NALF1: variants seen among roughly 807,000 people sequenced by gnomAD.
NALF1 encodes NALCN channel auxiliary factor 1.
In NALF1, 3 loss-of-function variants were observed where a neutral mutation model predicts 48.4. That is an observed-to-expected ratio of 0.06 (90% CI 0.03 to 0.16). The LOEUF (loss-of-function observed/expected upper bound fraction) is 0.16, where lower values mean the gene tolerates loss of function less well. Among genes scored for constraint, NALF1 ranks in the 10% least tolerant of loss-of-function variants. The probability of loss-of-function intolerance (pLI) is 1.00; values close to 1 mark genes in which losing one functional copy is unlikely to be tolerated. For synonymous variants in NALF1, 262 were observed against 245.7 expected (o/e 1.07, Z -0.62); for missense variants, 526 against 571.5 (o/e 0.92, Z 0.81).
chr13:107,287,055 G>A (rs899932494), intron 1 of NALF1, among the ~76,000 whole-genome samples: 1 of 152,164 alleles, frequency 6.6e-6, no homozygotes, highest in Admixed American at 6.5e-5. Context: ...GGGTAGGTGA[G>A]TTTCACCGAA....
intron 1 of NALF1, among the ~76,000 whole-genome samples, chr13:107,244,639 A>G (rs1013214266): frequency 6.6e-6 from 1 of 152,100 alleles, no homozygotes; most frequent in South Asian, 2.1e-4. Context: ...GAGTAGTCCT[A>G]TTTTTGTAGC....
At chr13:107,193,638 C>T (rs1879327023) in intron 2 of NALF1, among the ~76,000 whole-genome samples, 1 of 152,076 alleles carries the variant, frequency 6.6e-6, no homozygotes, top group South Asian at 2.1e-4. Flanking sequence ...CAGGAGGGGC[C>T]CCTGACTAAC....
intron 1 of NALF1, among the ~76,000 whole-genome samples, chr13:107,606,641 C>G (rs1879079919): frequency 6.6e-6 from 1 of 152,088 alleles, no homozygotes; most frequent in South Asian, 2.1e-4. Flanking sequence ...GCTAAGATTA[C>G]AGGCATGAGC....
chr13:107,663,872 C>T (rs965824260), intron 1 of NALF1, among the ~76,000 whole-genome samples: 1 of 152,140 alleles, frequency 6.6e-6, no homozygotes, highest in African/African-American at 2.4e-5. Context: ...TACTTTTGCT[C>T]ATTCTCTGTT....
chr13:107,830,385 C>A (rs1025272104), intron 1 of NALF1, among the ~76,000 whole-genome samples: 18 of 152,298 alleles, frequency 1.2e-4, no homozygotes, highest in African/African-American at 4.3e-4. Flanking sequence ...AGTGGCTGTA[C>A]ATTTTACATT....
In NALF1 at chr13:107,492,406, C is replaced by G. The variant is rs79783312; in HGVS notation, c.916-281651G>C. ...GAATTAATGGCTCCAGAAATGGTACCAGATTGATGGTCTACGAACCCTACA... is the reference window on the plus strand; with the variant it reads ...GAATTAATGGCTCCAGAAATGGTACGAGATTGATGGTCTACGAACCCTACA... On this transcript the variant is annotated intron_variant, in intron 1 of 2. Coordinates refer to ENST00000375915, the MANE Select transcript of NALF1 (RefSeq NM_001080396.3). Among the ~76,000 whole-genome samples the G allele has an allele frequency of 6.5e-3, 994 of 152,214 alleles. 35 individuals are homozygous for G. The East Asian group carries it at 0.1, about 15-fold the overall frequency.
In NALF1 at chr13:107,638,201, A is replaced by ATATATATGTATGTATG. The variant is rs372122331; in HGVS notation, c.915+227480_915+227481insCATACATACATATATA. Among the ~76,000 whole-genome samples the ATATATATGTATGTATG allele has an allele frequency of 5.4e-5, 6 of 110,832 alleles. 1 individual carries two copies. Among genetic ancestry groups the ATATATATGTATGTATG allele is most frequent in the Non-Finnish European group, 7.8e-5 (4 of 51,282 alleles). 72.7% of individuals were successfully genotyped at this position (110,832 alleles called of 152,430 possible). ...TATATAAAGATTTATATATATATAT[A>ATATATATGTATGTATG]TATATAATTTAAGATGAACATTGGG... On this transcript the variant is annotated intron_variant, in intron 1 of 2. Coordinates refer to ENST00000375915, the MANE Select transcript of NALF1 (RefSeq NM_001080396.3).
chr13:107,380,673 T>G (rs1883419187), intron 1 of NALF1, among the ~76,000 whole-genome samples: 1 of 152,074 alleles, frequency 6.6e-6, no homozygotes, highest in Admixed American at 6.6e-5. Flanking sequence ...AAGATGGGGA[T>G]TTAAGAATAC....
intron 1 of NALF1, among the ~76,000 whole-genome samples, chr13:107,587,308 T>C (rs937157953): frequency 7.2e-5 from 11 of 152,098 alleles, no homozygotes; most frequent in Admixed American, 5.2e-4. Flanking sequence ...ACCTAAAAAA[T>C]GAGGCACTGC....
chr13:107,617,028 G>T (rs1879398672), intron 1 of NALF1, among the ~76,000 whole-genome samples: 2 of 152,130 alleles, frequency 1.3e-5, no homozygotes, highest in African/African-American at 2.4e-5. Flanking sequence ...ATATAAAATA[G>T]TGTTTTTCCA....
intron 1 of NALF1, among the ~76,000 whole-genome samples, chr13:107,296,358 A>G (rs1000597892): frequency 2.6e-5 from 4 of 152,196 alleles, no homozygotes; most frequent in Non-Finnish European, 4.4e-5. Context: ...TTATAGTTAA[A>G]TTTGTTCACA....
intron 1 of NALF1, among the ~76,000 whole-genome samples, chr13:107,316,436 T>C (rs1449970691): frequency 6.6e-6 from 1 of 152,222 alleles, no homozygotes; most frequent in Non-Finnish European, 1.5e-5. Context: ...CTGGGTCAAA[T>C]GGTATTTCTC....
At chr13:107,546,293 G>T (rs534613836) in intron 1 of NALF1, among the ~76,000 whole-genome samples, 1 of 152,260 alleles carries the variant, frequency 6.6e-6, no homozygotes, top group Non-Finnish European at 1.5e-5. Flanking sequence ...TACTGCATTT[G>T]TCCTCAAGGC....
At chr13:107,546,571 C>T (rs1348996926) in intron 1 of NALF1, among the ~76,000 whole-genome samples, 2 of 152,086 alleles carry the variant, frequency 1.3e-5, no homozygotes, top group African/African-American at 4.8e-5. Context: ...AAAACCTGAA[C>T]CATTGCTAAT....
intron 1 of NALF1, among the ~76,000 whole-genome samples, chr13:107,571,700 G>A (rs1259533880): frequency 6.6e-6 from 1 of 152,126 alleles, no homozygotes; most frequent in African/African-American, 2.4e-5. Flanking sequence ...ACTGAAATGG[G>A]GAAAGTATTA....
At chr13:107,247,824 C>T (rs936854331) in intron 1 of NALF1, among the ~76,000 whole-genome samples, 1 of 152,126 alleles carries the variant, frequency 6.6e-6, no homozygotes, top group Non-Finnish European at 1.5e-5. Context: ...AACAACAAAA[C>T]CCCTCTATTG....
rs148468726 is a variant in NALF1, at chr13:107,207,780, C to T, written c.1087+2804G>A. The stretch of plus-strand genomic sequence containing the variant: ...CCTGTCTCTGCCTTCCAAATAGCTG[C>T]GACTACAGGTGCACATAACTGTGTC... On this transcript the variant is annotated intron_variant, in intron 2 of 2. Coordinates refer to ENST00000375915, the MANE Select transcript of NALF1 (RefSeq NM_001080396.3). Among the ~76,000 whole-genome samples the T allele has an allele frequency of 5.4e-3, 820 of 152,322 alleles. 5 individuals are homozygous for T. The highest frequency in any genetic ancestry group is 9.2e-3 in the Non-Finnish European group (625 of 68,040).
At chr13:107,425,740 G>A (rs2139012463) in intron 1 of NALF1, among the ~76,000 whole-genome samples, 1 of 152,224 alleles carries the variant, frequency 6.6e-6, no homozygotes, top group African/African-American at 2.4e-5. Context: ...TGGGTACTAT[G>A]ATATTGGATG....
chr13:107,174,684 T>C (rs919299660), intron 2 of NALF1, among the ~76,000 whole-genome samples: 4 of 151,554 alleles, frequency 2.6e-5, no homozygotes, highest in African/African-American at 9.7e-5. Flanking sequence ...AATTCTGTCT[T>C]TAGGTTGATC....
Sources: allele counts gnomAD v4.1 joint callset (sites outside exome capture counted in the v4.1 genomes callset), GRCh38; gene constraint gnomAD v4.1.1; transcripts MANE v1.5; gene names NCBI Gene and HGNC (gene_info 2026-07-23, HGNC 2026-07-21).